The following RASGRF2 variants were observed in gnomAD, a reference collection of about 807,000 sequenced individuals.
The protein encoded by RASGRF2 is ras-specific guanine nucleotide-releasing factor 2.
RASGRF2 carries 76 observed loss-of-function variants against 151.0 expected under a neutral mutation model. The ratio of observed to expected loss-of-function variants is 0.50; its 90% CI spans 0.42 to 0.61. The LOEUF (loss-of-function observed/expected upper bound fraction) is 0.61. RASGRF2 is among the 20% of genes least tolerant of loss of function. The pLI is 0.00. For missense variants in RASGRF2, 1,148 were observed against 1,564.6 expected, an observed-to-expected ratio of 0.73 and a Z score of 4.49; for synonymous variants, 504 against 566.5, an observed-to-expected ratio of 0.89 and a Z score of 1.57.
intron 1 of RASGRF2, among the ~76,000 whole-genome samples, chr5:80,998,694 C>G (rs138302219): frequency 8.6e-4 from 131 of 152,136 alleles, no homozygotes; most frequent in African/African-American, 3.0e-3. Context: ...TTCTGCTGTG[C>G]GTTCTACACC....
At chr5:81,070,605 T>G in intron 4 of RASGRF2, 24 bp downstream of exon 4, 1 of 1,551,792 alleles carries the variant, frequency 6.4e-7, no homozygotes, top group Non-Finnish European at 8.9e-7. Context: ...GTTTCCAGCT[T>G]TGTAGGAGCA....
intron 17 of RASGRF2, among the ~76,000 whole-genome samples, chr5:81,151,797 A>G (rs1246315535): frequency 6.6e-6 from 1 of 152,178 alleles, no homozygotes; most frequent in East Asian, 1.9e-4. Flanking sequence ...ATCCAGGACT[A>G]CACTCAGCTA....
intron 1 of RASGRF2, among the ~76,000 whole-genome samples, chr5:81,025,620 G>A (rs540936161): frequency 6.6e-6 from 1 of 152,334 alleles, no homozygotes; most frequent in Middle Eastern, 3.4e-3. Context: ...CATGGTGGTT[G>A]AGTACCTCAC....
At chr5:81,117,264 C>T (rs1753187150) in intron 15 of RASGRF2, among the ~76,000 whole-genome samples, 1 of 152,158 alleles carries the variant, frequency 6.6e-6, no homozygotes, top group South Asian at 2.1e-4. Flanking sequence ...ATATTTTAAA[C>T]TAGATAATTG....
At chr5:81,145,591 CTT>C (rs760463064) in intron 17 of RASGRF2, among the ~76,000 whole-genome samples, 2 of 152,170 alleles carry the variant, frequency 1.3e-5, no homozygotes, top group Non-Finnish European at 2.9e-5. Context: ...CAATCTCTCT[CTT>C]GGATCACTTG....
chr5:81,079,821 T>A (rs1752036420), intron 5 of RASGRF2, among the ~76,000 whole-genome samples: 1 of 152,206 alleles, frequency 6.6e-6, no homozygotes, highest in Admixed American at 6.5e-5. Context: ...ATTTTCTGAT[T>A]ATTGATTGAA....
chr5:81,146,150 A>C (rs1017487056), intron 17 of RASGRF2, among the ~76,000 whole-genome samples: 5 of 152,174 alleles, frequency 3.3e-5, no homozygotes, highest in Non-Finnish European at 7.3e-5. Flanking sequence ...TCATCACCTG[A>C]AGTGCTCTGA....
rs1752243431 is a variant in RASGRF2 at position 81,086,873 on chromosome 5, G to A, written c.1310G>A (p.Arg437Lys). ...HDEVSDTENIRKNLAIERMIV... is the reference protein window; with the variant it reads ...HDEVSDTENIKKNLAIERMIV... Reference sequence around the variant, plus strand: ...GAAGTCAGCGACACTGAAAACATAAGGAAAAACCTTGCCATCGAAAGAATG... The same window carrying A: ...GAAGTCAGCGACACTGAAAACATAAAGAAAAACCTTGCCATCGAAAGAATG... The change falls in exon 9 of 27, where the codon AGG (arginine) becomes AAG (lysine). Residue 437 changes from arginine to lysine, a missense_variant. Physicochemically the swap from Arg to Lys is conservative, Grantham distance 26 (BLOSUM62 2). This residue lies in a region of RASGRF2 where 176 missense variants were observed against 309.6 expected (regional missense o/e 0.57). Transcript: ENST00000265080. 2 of 1,614,172 alleles carry A rather than the reference G, an allele frequency of 1.2e-6. No homozygotes were observed. Among genetic ancestry groups the A allele is most frequent in the Non-Finnish European group, 1.7e-6 (2 of 1,180,008 alleles).
chr5:81,160,690 A>ACATCC (rs1754363022), intron 17 of RASGRF2, among the ~76,000 whole-genome samples: 1 of 146,708 alleles, frequency 6.8e-6, no homozygotes. Context: ...AAAAATAATA[A>ACATCC]TAATAATAAT....
chr5:81,041,028 G>A (rs777791350), intron 1 of RASGRF2, among the ~76,000 whole-genome samples: 75 of 152,300 alleles, frequency 4.9e-4, no homozygotes, highest in Non-Finnish European at 4.4e-4. Context: ...GATTGGCCAG[G>A]CACAGAGGCT....
At chr5:81,206,796 A>C (rs1482025353) in intron 19 of RASGRF2, 49 bp from the exon 20 acceptor site, 1 of 1,492,240 alleles carries the variant, frequency 6.7e-7, no homozygotes, top group East Asian at 2.3e-5. Context: ...TTTTGTTCCT[A>C]GGTTGTCTAT....
chr5:81,041,406 G>A (rs1750674710), intron 1 of RASGRF2, among the ~76,000 whole-genome samples: 1 of 151,930 alleles, frequency 6.6e-6, no homozygotes, highest in South Asian at 2.1e-4. Context: ...TTCAACTTAA[G>A]ACATCTGTCA....
chr5:81,134,035 C>A (rs1258352888), intron 17 of RASGRF2, among the ~76,000 whole-genome samples: 2 of 149,996 alleles, frequency 1.3e-5, no homozygotes, highest in African/African-American at 4.9e-5. Flanking sequence ...TTTTAAGTTC[C>A]CCAGGTGATA....
intron 1 of RASGRF2, among the ~76,000 whole-genome samples, chr5:81,028,589 G>A (rs1221800162): frequency 6.6e-6 from 1 of 152,062 alleles, no homozygotes; most frequent in African/African-American, 2.4e-5. Flanking sequence ...ACAAAAACAG[G>A]TAGCTGTGAA....
chr5:81,166,077 T>G (rs76700009), intron 17 of RASGRF2, among the ~76,000 whole-genome samples: 4,597 of 152,204 alleles, frequency 0.03, 131 homozygotes, highest in African/African-American at 0.072. Context: ...TGCAGTCAGG[T>G]GTATAGAATT....
chr5:81,199,495 T>C (rs1234520475), intron 18 of RASGRF2, among the ~76,000 whole-genome samples: 1 of 152,224 alleles, frequency 6.6e-6, no homozygotes, highest in African/African-American at 2.4e-5. Flanking sequence ...CTCTGAGGTG[T>C]ACTCTGACAC....
intron 12 of RASGRF2, among the ~76,000 whole-genome samples, chr5:81,096,782 T>G (rs1752559768): frequency 6.6e-6 from 1 of 152,030 alleles, no homozygotes. Flanking sequence ...TCTAAGTGAG[T>G]CTTTCCCTCT....
chr5:81,218,732 A>G (rs1263147235), intron 25 of RASGRF2, among the ~76,000 whole-genome samples: 4 of 152,122 alleles, frequency 2.6e-5, no homozygotes, highest in Non-Finnish European at 5.9e-5. Flanking sequence ...TAATTCTGTG[A>G]AGAATGATGG....
chr5:81,017,643 G>A (rs1371008357), intron 1 of RASGRF2, among the ~76,000 whole-genome samples: 1 of 152,178 alleles, frequency 6.6e-6, no homozygotes, highest in Non-Finnish European at 1.5e-5. Context: ...TGAAAAGATA[G>A]ACTCTATAAA....
Sources: gnomAD v4.1 joint callset for allele counts (sites outside exome capture counted in the v4.1 genomes callset) on GRCh38, gnomAD v4.1.1 for gene constraint, gnomAD v4.1.1 regional missense constraint, MANE v1.5 for transcripts, NCBI Gene and HGNC (gene_info 2026-07-23, HGNC 2026-07-21) for gene names.